KIAA0753: variants seen among roughly 807,000 people sequenced by gnomAD.
KIAA0753 encodes the protein KIAA0753.
In KIAA0753, 114 loss-of-function variants were observed where a neutral mutation model predicts 116.9. That is an observed-to-expected ratio of 0.98 (90% confidence interval 0.84 to 1.14). The LOEUF is 1.14. Ranked by LOEUF, KIAA0753 falls within the 50% of genes most tolerant of loss-of-function variation. The pLI, the probability that KIAA0753 is intolerant of heterozygous loss-of-function variation, is 0.00. For synonymous variants in KIAA0753, 405 were observed against 413.1 expected (o/e 0.98, Z 0.24); for missense variants, 1,156 against 1,172.4 (o/e 0.99, Z 0.20).
At chr17:6,637,402 AG>A (rs946309052) in intron 1 of KIAA0753, 1 of 152,264 alleles carries the variant, frequency 6.6e-6, no homozygotes, top group African/African-American at 2.4e-5. Flanking sequence ...CTCAGTGGCC[AG>A]TCTCCTTCCC....
At position 6,623,542 on chromosome 17, in the gene KIAA0753, T is replaced by C. The variant is rs771777741; in HGVS notation, c.855A>G (p.Lys285=). ...QVKEIQEELD[K]LSPHKIKHTK... ...TGTGTTTAATTTTATGTGGACTCAA[T>C]TTATCCAATTCTTCCTGGATTTCTT... Residue 285 remains lysine, a synonymous_variant, in exon 5 of 19, where the codon AAA becomes AAG. Coordinates refer to ENST00000361413, the MANE Select transcript of KIAA0753 (RefSeq NM_014804.3). 1 of 1,610,718 alleles carries C rather than the reference T, an allele frequency of 6.2e-7. No individual in the cohort carries two copies. Among genetic ancestry groups the C allele is most frequent in the Non-Finnish European group, 8.5e-7 (1 of 1,177,950 alleles).
In KIAA0753 at chr17:6,628,738, G is replaced by C. The variant is rs185682091; in HGVS notation, c.97C>G (p.Gln33Glu). The change falls in exon 3 of 19, where the codon CAG becomes GAG. Residue 33 changes from glutamine (Q) to glutamate (E), a missense_variant. Physicochemically the swap from Gln to Glu is conservative, Grantham distance 29. Transcript: ENST00000361413. ...SDPKVLQTQNQLQFNRNVPTH... is the reference protein window; with the variant it reads ...SDPKVLQTQNELQFNRNVPTH... Reference sequence around the variant, plus strand: ...GGAACATTCCTATTAAACTGCAGCTGGTTCTTTAAAAAGCAAATAAAAGTA... The same window carrying C: ...GGAACATTCCTATTAAACTGCAGCTCGTTCTTTAAAAAGCAAATAAAAGTA... 3.6e-4 allele frequency: 577 copies of C among 1,581,230 alleles called. No individual in the cohort carries two copies. The highest frequency in any genetic ancestry group is 4.3e-4 in the Admixed American group (23 of 53,872).
intron 2 of KIAA0753, among the ~76,000 whole-genome samples, chr17:6,631,767 C>A (rs1257534648): frequency 6.6e-5 from 10 of 152,208 alleles, no homozygotes; most frequent in Admixed American, 6.5e-4. Context: ...AGGAGCACAT[C>A]CAGCCCCAGA....
At chr17:6,582,464 C>T (rs1334293691) in intron 18 of KIAA0753, among the ~76,000 whole-genome samples, 1 of 152,194 alleles carries the variant, frequency 6.6e-6, no homozygotes, top group Non-Finnish European at 1.5e-5. Context: ...GTCAGAGTTA[C>T]ACAAAAATGG....
At chr17:6,612,856 G>A (rs7222461) in intron 7 of KIAA0753, among the ~76,000 whole-genome samples, 3,584 of 152,238 alleles carry the variant, frequency 0.024, 157 homozygotes, top group African/African-American at 0.081. Context: ...GGACAAGAGC[G>A]AGGCTTCATC....
At chr17:6,634,049 C>T (rs547300567) in intron 2 of KIAA0753, among the ~76,000 whole-genome samples, 22 of 149,004 alleles carry the variant, frequency 1.5e-4, no homozygotes, top group African/African-American at 5.4e-4. Context: ...CCATTTCTGA[C>T]GTAAAATGTA....
Position 6,595,057 on chromosome 17 carries a change from T to A in KIAA0753, c.2359-4A>T, listed in dbSNP as rs1567545561. 3.3e-5 allele frequency: 51 copies of A among 1,534,458 alleles called. No individual in the cohort carries two copies. The highest frequency in any genetic ancestry group is 4.3e-5 in the Non-Finnish European group (48 of 1,122,940). On this transcript the variant is annotated splice_polypyrimidine_tract_variant and splice_region_variant and intron_variant, in intron 15 of 18. Transcript: ENST00000361413. The stretch of plus-strand genomic sequence containing the variant: ...GACGAACAGACTCCTGGTATTTCTT[T>A]AAAAAAAAAGAAAAAAGTTTAATTT...
At chr17:6,634,412 A>C (rs1384957828) in intron 2 of KIAA0753, among the ~76,000 whole-genome samples, 1 of 152,158 alleles carries the variant, frequency 6.6e-6, no homozygotes. Flanking sequence ...CCCTAAACAG[A>C]GTGAATTCTA....
intron 18 of KIAA0753, among the ~76,000 whole-genome samples, chr17:6,581,928 A>G (rs1968207604): frequency 1.3e-5 from 2 of 152,192 alleles, no homozygotes; most frequent in South Asian, 4.1e-4. Context: ...TCTTCCAAGA[A>G]GCCCTCGTGC....
intron 18 of KIAA0753, among the ~76,000 whole-genome samples, chr17:6,582,415 C>T (rs1195392160): frequency 6.6e-6 from 1 of 152,182 alleles, no homozygotes; most frequent in Non-Finnish European, 1.5e-5. Context: ...TCCCTGTTGA[C>T]TAAGGGGATG....
Position 6,624,784 on chromosome 17 carries a change from C to T in KIAA0753, c.796G>A (p.Ala266Thr). Reference protein sequence around the residue: ...IRRQEQAARSARMLYVLQQQV... With the variant: ...IRRQEQAARSTRMLYVLQQQV... ...TGCTGGAGGACGTAGAGCATTCGGG[C>T]AGAGCGAGCAGCTTGCTCCTGTCTC... Residue 266 changes from alanine (A) to threonine (T), a missense_variant, in exon 4 of 19, where the codon GCC becomes ACC. Ala to Thr is a moderately conservative substitution (Grantham distance 58, BLOSUM62 0). Coordinates refer to ENST00000361413, the MANE Select transcript of KIAA0753 (RefSeq NM_014804.3). The T allele has an allele frequency of 6.4e-7, 1 of 1,561,782 alleles. No homozygotes were observed. Among genetic ancestry groups the T allele is most frequent in the Non-Finnish European group, 8.7e-7 (1 of 1,151,160 alleles).
Position 6,579,037 on chromosome 17 carries a change from C to T in KIAA0753, c.*710G>A, listed in dbSNP as rs1180280226. 1 of 151,924 alleles carries T rather than the reference C, an allele frequency of 6.6e-6. No individual in the cohort carries two copies. The highest frequency in any genetic ancestry group is 1.5e-5 in the Non-Finnish European group (1 of 67,904). The allele number at this position is 151,924 out of a possible 1,614,324, so 9.4% of individuals were successfully genotyped here. A position where few individuals can be genotyped will look rare whatever the true frequency, so the allele number is the denominator to read the frequency against. Reference sequence around the variant, plus strand: ...GTCCTCTCCTGATTCCTCAAACTTCCTCTGAATCCAGAGAAAGTTTTTTAT... The same window carrying T: ...GTCCTCTCCTGATTCCTCAAACTTCTTCTGAATCCAGAGAAAGTTTTTTAT... On this transcript the variant is annotated 3_prime_UTR_variant, in exon 19 of 19. Transcript: ENST00000361413.
chr17:6,592,473 T>G (rs962134443), intron 16 of KIAA0753, among the ~76,000 whole-genome samples: 1 of 152,190 alleles, frequency 6.6e-6, no homozygotes, highest in African/African-American at 2.4e-5. Flanking sequence ...TCAAACAGAA[T>G]TTGAGTAACG....
Position 6,628,153 on chromosome 17 carries a change from T to C in KIAA0753, c.682A>G (p.Ser228Gly), listed in dbSNP as rs926360977. ...EVQRLQKELS[S>G]CIHKIEEVTK... The stretch of plus-strand genomic sequence containing the variant: ...ACCTCTTCAATTTTGTGGATACAAC[T>C]GCTCAGTTCTTTCTGGAGTCGCTGG... Residue 228 changes from serine to glycine, a missense_variant, in exon 3 of 19, where the codon AGT becomes GGT. Transcript: ENST00000361413. 1.2e-6 allele frequency: 2 copies of C among 1,613,884 alleles called. No homozygotes were observed. Among genetic ancestry groups the C allele is most frequent in the African/African-American group, 2.7e-5 (2 of 75,012 alleles).
chr17:6,597,730 G>T (rs1440743388), intron 14 of KIAA0753, among the ~76,000 whole-genome samples: 1 of 152,186 alleles, frequency 6.6e-6, no homozygotes, highest in Non-Finnish European at 1.5e-5. Context: ...TGATATGAGA[G>T]ATAATCTTGC....
Position 6,590,469 on chromosome 17 carries a change from G to T in KIAA0753, c.2561+41C>A. ...TTCAAAATCTAATAACATCAAAGGTGACTGACTAGAATGAAATCAGAAAGT... is the reference window on the plus strand; with the variant it reads ...TTCAAAATCTAATAACATCAAAGGTTACTGACTAGAATGAAATCAGAAAGT... On this transcript the variant is annotated intron_variant, in intron 17 of 18. Coordinates refer to ENST00000361413, the MANE Select transcript of KIAA0753 (RefSeq NM_014804.3). 1.9e-6 allele frequency: 3 copies of T among 1,609,982 alleles called. No individual in the cohort carries two copies. The South Asian group carries it at 3.3e-5, about 18-fold the overall frequency.
At position 6,628,320 on chromosome 17, in the gene KIAA0753, T is replaced by A. The variant is rs768950517; in HGVS notation, c.515A>T (p.Lys172Ile). ...SKVEISSSGA[K>I]VYLYSSHPGQ... The stretch of plus-strand genomic sequence containing the variant: ...TGGATGAGATGAGTAAAGGTATACT[T>A]TGGCACCAGAGCTGGAGATTTCTAC... The change falls in exon 3 of 19, where the codon AAA (lysine) becomes ATA (isoleucine). Residue 172 changes from lysine (K) to isoleucine (I), a missense_variant. Transcript: ENST00000361413. The A allele has an allele frequency of 6.2e-7, 1 of 1,614,118 alleles. No individual in the cohort carries two copies. Among genetic ancestry groups the A allele is most frequent in the Non-Finnish European group, 8.5e-7 (1 of 1,180,020 alleles).
At chr17:6,624,918 A>G (rs948179891) in intron 3 of KIAA0753, 57 bp from the exon 4 acceptor site, 1 of 1,096,708 alleles carries the variant, frequency 9.1e-7, no homozygotes, top group Non-Finnish European at 1.4e-6. Context: ...ATTAAAACTT[A>G]CAAAGACTTC....
At position 6,579,542 on chromosome 17, in the gene KIAA0753, T is replaced by C. The variant is rs2034738741; in HGVS notation, c.*205A>G. Reference sequence around the variant, plus strand: ...CCTGGGCACTGATAAGTGTGATACATTGCATCATACATTTCCAGAACCATT... The same window carrying C: ...CCTGGGCACTGATAAGTGTGATACACTGCATCATACATTTCCAGAACCATT... On this transcript the variant is annotated 3_prime_UTR_variant, in exon 19 of 19. Coordinates refer to ENST00000361413, the MANE Select transcript of KIAA0753 (RefSeq NM_014804.3). The C allele has an allele frequency of 1.1e-5, 6 of 564,100 alleles. No homozygotes were observed. The highest frequency in any genetic ancestry group is 4.9e-4 in the Middle Eastern group (1 of 2,060). 34.9% of individuals were successfully genotyped at this position (564,100 alleles called of 1,614,324 possible).
Sources: gnomAD v4.1 joint callset for allele counts (sites outside exome capture counted in the v4.1 genomes callset) on GRCh38, gnomAD v4.1.1 for gene constraint, MANE v1.5 for transcripts, NCBI Gene and HGNC (gene_info 2026-07-23, HGNC 2026-07-21) for gene names.